Variants in AGBL1 observed in about 807,000 individuals in gnomAD.
The protein encoded by AGBL1 is AGBL carboxypeptidase 1, also known as cytosolic carboxypeptidase 4.
A neutral mutation model predicts 118.9 loss-of-function variants in AGBL1; 130 were observed. The ratio of observed to expected loss-of-function variants is 1.09; its 90% CI spans 0.95 to 1.26. The LOEUF (loss-of-function observed/expected upper bound fraction) is 1.26, where lower values mean the gene tolerates loss of function less well. Among genes scored for constraint, AGBL1 ranks in the 50% most tolerant of loss-of-function variants. The probability of loss-of-function intolerance (pLI) is 0.00; values close to 1 mark genes in which losing one functional copy is unlikely to be tolerated. For synonymous variants in AGBL1, 555 were observed against 478.9 expected (o/e 1.16, Z -2.08); for missense variants, 1,584 against 1,298.1 (o/e 1.22, Z -3.38).
chr15:86,476,057 C>T (rs1460812781), intron 18 of AGBL1, among the ~76,000 whole-genome samples: 1 of 152,140 alleles, frequency 6.6e-6, no homozygotes, highest in African/African-American at 2.4e-5. Flanking sequence ...ACCAGGCCTG[C>T]CTTACAAGAG....
chr15:86,569,386 C>T (rs2083967885), intron 21 of AGBL1, among the ~76,000 whole-genome samples: 2 of 149,670 alleles, frequency 1.3e-5, no homozygotes, highest in Non-Finnish European at 3.0e-5. Flanking sequence ...CAGAGCAAGA[C>T]CTGTCTCAAA....
intron 3 of AGBL1, among the ~76,000 whole-genome samples, chr15:86,145,617 T>C (rs1567084186): frequency 6.6e-6 from 1 of 152,202 alleles, no homozygotes; most frequent in Non-Finnish European, 1.5e-5. Context: ...CTGAGTCCAT[T>C]CAACATGCTG....
chr15:87,018,623 G>A (rs1283551886), intron 24 of AGBL1, among the ~76,000 whole-genome samples: 2 of 151,970 alleles, frequency 1.3e-5, no homozygotes, highest in Non-Finnish European at 2.9e-5. Context: ...ACTAAATATG[G>A]AAAGGAAAAA....
exon 24 of AGBL1, chr15:86,988,079 A>G (rs186628923): frequency 1.7e-5 from 28 of 1,613,594 alleles, no homozygotes; most frequent in African/African-American, 1.6e-4. Context: ...CTTCTTCTGC[A>G]TGTCTCCCCG....
chr15:86,684,462 T>C (rs1343796693), intron 22 of AGBL1, among the ~76,000 whole-genome samples: 1 of 30,496 alleles, frequency 3.3e-5, no homozygotes, highest in Non-Finnish European at 8.6e-5. Flanking sequence ...CATAGTTCTC[T>C]CTTTTTTTTT....
At chr15:86,956,884 G>T (rs543076378) in intron 23 of AGBL1, among the ~76,000 whole-genome samples, 7 of 152,122 alleles carry the variant, frequency 4.6e-5, no homozygotes, top group African/African-American at 1.7e-4. Flanking sequence ...ATTTACATAA[G>T]TTAAACATGC....
chr15:86,666,408 C>G (rs2085645285), intron 21 of AGBL1, among the ~76,000 whole-genome samples: 1 of 152,036 alleles, frequency 6.6e-6, no homozygotes, highest in African/African-American at 2.4e-5. Context: ...GTTGCCCTAT[C>G]TCTAATAAAT....
At chr15:86,134,581 A>G (rs1189377751) in intron 1 of AGBL1, among the ~76,000 whole-genome samples, 1 of 148,988 alleles carries the variant, frequency 6.7e-6, no homozygotes, top group Non-Finnish European at 1.5e-5. Context: ...CTCCACTTTA[A>G]GACTGTGATG....
intron 18 of AGBL1, among the ~76,000 whole-genome samples, chr15:86,454,605 T>A (rs1452202744): frequency 6.6e-6 from 1 of 152,150 alleles, no homozygotes; most frequent in Non-Finnish European, 1.5e-5. Context: ...ACAACACGGA[T>A]GAACCTCACT....
At position 86,676,616 on chromosome 15, in the gene AGBL1, C is replaced by A. The variant is rs577175385; in HGVS notation, c.3158+2180C>A. Reference sequence around the variant, plus strand: ...TCTTATTGTAATACAAAGAGTGTAACCAATGTTTGTCAACACAAATCTATG... The same window carrying A: ...TCTTATTGTAATACAAAGAGTGTAAACAATGTTTGTCAACACAAATCTATG... On this transcript the variant is annotated intron_variant, in intron 22 of 22. Transcript: ENST00000614907. Among the ~76,000 whole-genome samples the A allele has an allele frequency of 6.1e-4, 93 of 152,194 alleles. 1 individual carries two copies. The South Asian group carries it at 8.1e-3, about 13-fold the overall frequency.
intron 22 of AGBL1, among the ~76,000 whole-genome samples, chr15:86,741,318 G>A (rs1186868150): frequency 7.8e-6 from 1 of 129,012 alleles, no homozygotes; most frequent in Admixed American, 9.2e-5. Context: ...AAAATGAGGG[G>A]CAGAAACACT....
chr15:86,975,604 T>A (rs2081169172), intron 23 of AGBL1, among the ~76,000 whole-genome samples: 1 of 152,140 alleles, frequency 6.6e-6, no homozygotes, highest in Admixed American at 6.6e-5. Context: ...TCCAACCTCA[T>A]CAGCAAATAT....
intron 1 of AGBL1, among the ~76,000 whole-genome samples, chr15:86,127,356 G>A (rs2076760284): frequency 6.6e-6 from 1 of 152,186 alleles, no homozygotes; most frequent in Non-Finnish European, 1.5e-5. Flanking sequence ...CAATATCAGA[G>A]TCAATCTTTT....
chr15:86,565,464 A>G lies in AGBL1; in HGVS notation c.2994+10927A>G, dbSNP rs190026063. ...AGCAGCGAATATTGCTGAACAGCAA[A>G]TGTTGCTGCCTGATCGTTCCTCTGG... On this transcript the variant is annotated intron_variant, in intron 21 of 22. Coordinates refer to ENST00000614907, the MANE Select transcript of AGBL1 (RefSeq NM_001386094.1). 3.2e-4 allele frequency among the ~76,000 whole-genome samples: 49 copies of G among 152,336 alleles called. 1 individual carries two copies. In the East Asian group the frequency reaches 9.1e-3, roughly 28 times the overall value.
intron 5 of AGBL1, among the ~76,000 whole-genome samples, chr15:86,174,148 C>T (rs1336816320): frequency 1.3e-5 from 2 of 151,970 alleles, no homozygotes; most frequent in Non-Finnish European, 2.9e-5. Context: ...TGTAGTTTTC[C>T]TTCTAGAGGT....
At chr15:86,366,785 G>A (rs562441844) in intron 17 of AGBL1, among the ~76,000 whole-genome samples, 17 of 152,198 alleles carry the variant, frequency 1.1e-4, no homozygotes, top group African/African-American at 3.1e-4. Context: ...CAGCTCTGTC[G>A]AAACAAACTA....
At chr15:86,586,953 C>G (rs1365857693) in intron 21 of AGBL1, among the ~76,000 whole-genome samples, 1 of 152,034 alleles carries the variant, frequency 6.6e-6, no homozygotes, top group African/African-American at 2.4e-5. Context: ...GTTTAATGAG[C>G]TTTAAGGGTT....
At chr15:86,459,027 G>A (rs904384797) in intron 18 of AGBL1, among the ~76,000 whole-genome samples, 2 of 152,094 alleles carry the variant, frequency 1.3e-5, no homozygotes, top group African/African-American at 2.4e-5. Flanking sequence ...ATCCTCGAAT[G>A]AACTACTGCT....
intron 17 of AGBL1, among the ~76,000 whole-genome samples, chr15:86,313,256 ATCT>A (rs2079947492): frequency 6.6e-6 from 1 of 152,182 alleles, no homozygotes; most frequent in Non-Finnish European, 1.5e-5. Context: ...GTAAGTGACT[ATCT>A]TCTTTGTTTA....
Sources: allele counts gnomAD v4.1 joint callset (sites outside exome capture counted in the v4.1 genomes callset), GRCh38; gene constraint gnomAD v4.1.1; transcripts MANE v1.5; gene names NCBI Gene and HGNC (gene_info 2026-07-23, HGNC 2026-07-21).